The following BAZ1B variants were observed in gnomAD, a reference collection of about 807,000 sequenced individuals.
The protein encoded by BAZ1B is bromodomain adjacent to zinc finger domain 1B, also known as tyrosine-protein kinase BAZ1B.
Under a neutral mutation model 153.8 loss-of-function variants are expected in BAZ1B, and 22 were observed. The ratio of observed to expected loss-of-function variants is 0.14; its 90% CI spans 0.10 to 0.20. BAZ1B has a LOEUF of 0.20. BAZ1B is among the 10% of genes least tolerant of loss of function. BAZ1B has a pLI of 1.00. For synonymous variants in BAZ1B, 676 were observed against 633.4 expected (o/e 1.07, Z -1.01); for missense variants, 1,325 against 1,799.3 (o/e 0.74, Z 4.77).
chr7:73,518,217 C>A (rs1403335661), intron 1 of BAZ1B, among the ~76,000 whole-genome samples: 1 of 146,220 alleles, frequency 6.8e-6, no homozygotes, highest in Non-Finnish European at 1.5e-5. Flanking sequence ...CTGGCTAACA[C>A]AATGAAACCC....
intron 12 of BAZ1B, among the ~76,000 whole-genome samples, chr7:73,460,568 T>A (rs1583896809): frequency 1.3e-5 from 2 of 152,192 alleles, no homozygotes; most frequent in South Asian, 4.1e-4. Flanking sequence ...CACTGCAGCC[T>A]TGAACTCCCA....
intron 6 of BAZ1B, among the ~76,000 whole-genome samples, chr7:73,479,619 C>T (rs535332465): frequency 2.0e-5 from 3 of 151,866 alleles, no homozygotes; most frequent in Non-Finnish European, 4.4e-5. Flanking sequence ...CACAACTCTA[C>T]AATCCTTCAA....
intron 1 of BAZ1B, among the ~76,000 whole-genome samples, chr7:73,512,168 T>A (rs948387062): frequency 1.3e-5 from 2 of 151,942 alleles, no homozygotes; most frequent in African/African-American, 4.8e-5. Context: ...CCAGTCCACC[T>A]TGGAAACATG....
At chr7:73,507,021 G>C (rs1416587314) in intron 3 of BAZ1B, among the ~76,000 whole-genome samples, 3 of 148,476 alleles carry the variant, frequency 2.0e-5, no homozygotes. Context: ...TGGGACTACA[G>C]GCGCCCGCCA....
At chr7:73,496,652 C>T (rs1185241079) in intron 4 of BAZ1B, among the ~76,000 whole-genome samples, 1 of 152,146 alleles carries the variant, frequency 6.6e-6, no homozygotes, top group African/African-American at 2.4e-5. Flanking sequence ...TGAGCCAAAT[C>T]TCAATTGTTC....
At chr7:73,519,774 C>G (rs1790955541) in intron 1 of BAZ1B, among the ~76,000 whole-genome samples, 1 of 151,640 alleles carries the variant, frequency 6.6e-6, no homozygotes, top group Non-Finnish European at 1.5e-5. Context: ...TTCTTATACT[C>G]TGCTAGAACC....
At position 73,521,943 on chromosome 7, in the gene BAZ1B, G is replaced by T. The variant is rs1481654069; in HGVS notation, c.-10C>A. 6.9e-7 allele frequency: 1 copy of T among 1,451,874 alleles called. No homozygotes were observed. The highest frequency in any genetic ancestry group is 1.5e-5 in the African/African-American group (1 of 67,302). The allele number at this position is 1,451,874 out of a possible 1,614,324, so 89.9% of individuals were successfully genotyped here. ...CCAGGAGCGGCGCCATCGCGGCGGC[G>T]GCGGTGGGGACTGGCGGCTGCTGGG... On this transcript the variant is annotated 5_prime_UTR_variant, in exon 1 of 20. Coordinates refer to ENST00000339594, the MANE Select transcript of BAZ1B (RefSeq NM_032408.4).
chr7:73,448,692 C>A (rs1016427461), intron 15 of BAZ1B, among the ~76,000 whole-genome samples: 1 of 152,196 alleles, frequency 6.6e-6, no homozygotes, highest in South Asian at 2.1e-4. Context: ...ATGTTCCCAG[C>A]TGGGAGAAAG....
At position 73,472,351 on chromosome 7, in the gene BAZ1B, C is replaced by T. The variant is rs530822125; in HGVS notation, c.2594-1868G>A. Among the ~76,000 whole-genome samples, 11 of 152,040 alleles carry T rather than the reference C, an allele frequency of 7.2e-5. No homozygotes were observed. The East Asian group carries it at 1.7e-3, about 24-fold the overall frequency. ...TCGCCTCACCGCAACCTCCGCCTGCCGGGTTCAAGTGATTCTCCTGCCTCA... is the reference window on the plus strand; with the variant it reads ...TCGCCTCACCGCAACCTCCGCCTGCTGGGTTCAAGTGATTCTCCTGCCTCA... On this transcript the variant is annotated intron_variant, in intron 7 of 19. Coordinates refer to ENST00000339594, the MANE Select transcript of BAZ1B (RefSeq NM_032408.4).
chr7:73,479,553 C>T (rs1583916580), intron 6 of BAZ1B, among the ~76,000 whole-genome samples: 1 of 150,794 alleles, frequency 6.6e-6, no homozygotes, highest in African/African-American at 2.4e-5. Flanking sequence ...ACTAATTTCA[C>T]ACCATCCTCT....
intron 4 of BAZ1B, among the ~76,000 whole-genome samples, chr7:73,494,134 C>A (rs1168593007): frequency 1.3e-5 from 2 of 152,076 alleles, no homozygotes; most frequent in Non-Finnish European, 2.9e-5. Context: ...GTAATCCCAG[C>A]ACTTTGAGGA....
chr7:73,496,109 G>C (rs540895656), intron 4 of BAZ1B, among the ~76,000 whole-genome samples: 2 of 152,264 alleles, frequency 1.3e-5, no homozygotes, highest in Non-Finnish European at 2.9e-5. Context: ...AAACTTAATA[G>C]GAACTATTTC....
intron 15 of BAZ1B, 99 bp from the exon 16 acceptor site, chr7:73,447,478 G>A: frequency 7.4e-7 from 1 of 1,351,008 alleles, no homozygotes; most frequent in Non-Finnish European, 1.0e-6. Context: ...TCTCTTCACA[G>A]ACTACATATG....
intron 1 of BAZ1B, among the ~76,000 whole-genome samples, chr7:73,514,678 G>A (rs1554579027): frequency 1.3e-5 from 2 of 152,090 alleles, no homozygotes; most frequent in Non-Finnish European, 2.9e-5. Flanking sequence ...TGGTGGCACA[G>A]GCCTGTAGTT....
chr7:73,464,132 GC>G, intron 11 of BAZ1B: 8 of 984,054 alleles, frequency 8.1e-6, no homozygotes, highest in Non-Finnish European at 9.7e-6. Context: ...ATTGTCCTTC[GC>G]AAAAGTCTGG....
intron 6 of BAZ1B, among the ~76,000 whole-genome samples, chr7:73,481,530 A>C (rs1231109640): frequency 1.3e-5 from 2 of 151,640 alleles, no homozygotes; most frequent in Non-Finnish European, 2.9e-5. Context: ...AAAAAAAAAA[A>C]AAAGATTTAA....
intron 3 of BAZ1B, among the ~76,000 whole-genome samples, chr7:73,506,150 TGTTCGG>T (rs1790329216): frequency 1.3e-5 from 2 of 152,198 alleles, no homozygotes; most frequent in African/African-American, 4.8e-5. Context: ...ATTGCTTTAG[TGTTCGG>T]TATCACTTTT....
intron 9 of BAZ1B, among the ~76,000 whole-genome samples, chr7:73,466,996 A>C (rs1253644811): frequency 6.6e-6 from 1 of 152,164 alleles, no homozygotes; most frequent in Non-Finnish European, 1.5e-5. Flanking sequence ...CAGTGGTACA[A>C]TCTCAGCTCA....
intron 4 of BAZ1B, 109 bp from the exon 5 acceptor site, chr7:73,493,030 T>C: frequency 1.7e-6 from 2 of 1,187,656 alleles, no homozygotes; most frequent in East Asian, 2.5e-5. Context: ...CACTGGGTGA[T>C]GCAGTACAAA....
Sources: gnomAD v4.1 joint callset for allele counts (sites outside exome capture counted in the v4.1 genomes callset) on GRCh38, gnomAD v4.1.1 for gene constraint, MANE v1.5 for transcripts, NCBI Gene and HGNC (gene_info 2026-07-23, HGNC 2026-07-21) for gene names.